ARPP21: variants seen among roughly 807,000 people sequenced by gnomAD.
ARPP21 encodes cAMP-regulated phosphoprotein 21.
A neutral mutation model predicts 113.2 loss-of-function variants in ARPP21; 69 were observed. That is an observed-to-expected ratio of 0.61 (90% confidence interval 0.50 to 0.74). ARPP21 has a LOEUF of 0.74. Among genes scored for constraint, ARPP21 ranks in the 30% least tolerant of loss-of-function variants. The pLI is 0.00. For synonymous variants in ARPP21, 368 were observed against 375.5 expected (o/e 0.98, Z 0.23); for missense variants, 1,070 against 1,037.4 (o/e 1.03, Z -0.43).
At chr3:35,655,220 C>A (rs933344521) in intron 1 of ARPP21, among the ~76,000 whole-genome samples, 2 of 151,780 alleles carry the variant, frequency 1.3e-5, no homozygotes, top group African/African-American at 4.8e-5. Context: ...AATGTGCATA[C>A]TCTTTGATAA....
At chr3:35,752,277 C>A (rs1559853196) in intron 19 of ARPP21, among the ~76,000 whole-genome samples, 1 of 151,698 alleles carries the variant, frequency 6.6e-6, no homozygotes, top group Non-Finnish European at 1.5e-5. Context: ...AGCACTCTGA[C>A]CTTTTGGATC....
intron 19 of ARPP21, among the ~76,000 whole-genome samples, chr3:35,763,016 T>C (rs1160363878): frequency 6.6e-6 from 1 of 152,108 alleles, no homozygotes; most frequent in Non-Finnish European, 1.5e-5. Flanking sequence ...ACTTTTAAAA[T>C]AGCATCTGGA....
At chr3:35,784,416 C>T (rs150084694) in intron 19 of ARPP21, among the ~76,000 whole-genome samples, 5 of 152,252 alleles carry the variant, frequency 3.3e-5, no homozygotes, top group Non-Finnish European at 7.4e-5. Flanking sequence ...CACAAATCAG[C>T]GCTTTTGTTT....
chr3:35,710,104 A>G (rs1439768740), intron 11 of ARPP21, among the ~76,000 whole-genome samples: 1 of 152,138 alleles, frequency 6.6e-6, no homozygotes, highest in Non-Finnish European at 1.5e-5. Context: ...TTTCACGTTT[A>G]TATCCCGCCC....
chr3:35,720,382 C>T (rs1197229268), intron 13 of ARPP21, among the ~76,000 whole-genome samples: 1 of 152,138 alleles, frequency 6.6e-6, no homozygotes, highest in African/African-American at 2.4e-5. Context: ...TTAAAATTTT[C>T]TTTGTACTGT....
intron 1 of ARPP21, among the ~76,000 whole-genome samples, chr3:35,678,396 A>G (rs1203043063): frequency 1.3e-5 from 2 of 151,978 alleles, no homozygotes; most frequent in Non-Finnish European, 2.9e-5. Flanking sequence ...TCTTAGTTAA[A>G]TAGTTTCTAA....
At chr3:35,777,058 C>T (rs570580491) in intron 19 of ARPP21, among the ~76,000 whole-genome samples, 20 of 152,212 alleles carry the variant, frequency 1.3e-4, no homozygotes, top group Non-Finnish European at 2.4e-4. Context: ...AATGGCTGTA[C>T]CTCGGCTCTT....
At chr3:35,658,289 G>A (rs771501765) in intron 1 of ARPP21, among the ~76,000 whole-genome samples, 5 of 151,990 alleles carry the variant, frequency 3.3e-5, no homozygotes, top group Admixed American at 1.3e-4. Flanking sequence ...TTTCTGAACC[G>A]TTTTCTTTCT....
chr3:35,722,533 T>G (rs767160977), intron 14 of ARPP21, among the ~76,000 whole-genome samples: 3 of 152,246 alleles, frequency 2.0e-5, no homozygotes, highest in Non-Finnish European at 4.4e-5. Flanking sequence ...TTTTTATTAC[T>G]GCCATTTAAT....
chr3:35,697,739 C>T (rs2084617203), intron 9 of ARPP21, among the ~76,000 whole-genome samples: 2 of 151,506 alleles, frequency 1.3e-5, no homozygotes, highest in Non-Finnish European at 3.0e-5. Context: ...AATGGGAATC[C>T]TCGGTGTTTG....
At chr3:35,705,746 G>A (rs1182708069) in intron 9 of ARPP21, among the ~76,000 whole-genome samples, 8 of 151,994 alleles carry the variant, frequency 5.3e-5, no homozygotes, top group Non-Finnish European at 1.0e-4. Context: ...TGTAAGGATC[G>A]AATAAGATAT....
intron 1 of ARPP21, among the ~76,000 whole-genome samples, chr3:35,649,565 T>G (rs1352814289): frequency 6.6e-6 from 1 of 152,308 alleles, no homozygotes; most frequent in South Asian, 2.1e-4. Context: ...TGTGTGCCTT[T>G]GGAGAGATTA....
chr3:35,784,543 G>A (rs568441444), intron 19 of ARPP21, among the ~76,000 whole-genome samples: 2 of 152,312 alleles, frequency 1.3e-5, no homozygotes, highest in South Asian at 4.1e-4. Flanking sequence ...CTCATGTTCT[G>A]AAAGTTCATA....
At chr3:35,750,582 G>A (rs543765036) in intron 19 of ARPP21, among the ~76,000 whole-genome samples, 1 of 152,192 alleles carries the variant, frequency 6.6e-6, no homozygotes, top group South Asian at 2.1e-4. Context: ...GCCAAATCAG[G>A]TTGGTTTATT....
chr3:35,762,122 T>TCA (rs1246202951), intron 19 of ARPP21, among the ~76,000 whole-genome samples: 8 of 144,388 alleles, frequency 5.5e-5, no homozygotes, highest in Non-Finnish European at 9.1e-5. Flanking sequence ...TCTCTCTCTC[T>TCA]CTCTCACACA....
intron 1 of ARPP21, among the ~76,000 whole-genome samples, chr3:35,662,854 G>A (rs950393677): frequency 3.3e-5 from 5 of 152,074 alleles, no homozygotes; most frequent in African/African-American, 1.2e-4. Flanking sequence ...TTGTATCTGG[G>A]AGCTAAAAAT....
intron 1 of ARPP21, among the ~76,000 whole-genome samples, chr3:35,662,140 A>G (rs1225965501): frequency 6.6e-6 from 1 of 152,204 alleles, no homozygotes; most frequent in African/African-American, 2.4e-5. Flanking sequence ...GGAAAGAATC[A>G]TAGTGTGTGT....
At position 35,793,701 on chromosome 3, in the gene ARPP21, G is replaced by T. The variant is rs763546649; in HGVS notation, c.2287G>T (p.Val763Leu). 1 of 1,612,510 alleles carries T rather than the reference G, an allele frequency of 6.2e-7. No individual in the cohort carries two copies. Among genetic ancestry groups the T allele is most frequent in the South Asian group, 1.1e-5 (1 of 91,042 alleles). ...GGTTCTTGCTTGTGTCTTTTTACAGGTGCCAATGACCCAGGGTTCTCAAGG... is the reference window on the plus strand; with the variant it reads ...GGTTCTTGCTTGTGTCTTTTTACAGTTGCCAATGACCCAGGGTTCTCAAGG... ...VSYPTMSSYQVPMTQGSQGLP... is the reference protein window; with the variant it reads ...VSYPTMSSYQLPMTQGSQGLP... The change falls in exon 21 of 21, where the codon GTG (valine) becomes TTG (leucine). Residue 763 changes from valine (V) to leucine (L), a missense_variant and splice_region_variant. Physicochemically the swap from Val to Leu is conservative, Grantham distance 32. Transcript: ENST00000684406.
chr3:35,792,577 G>A, intron 20 of ARPP21, 47 bp downstream of exon 20: 1 of 1,600,454 alleles, frequency 6.2e-7, no homozygotes, highest in Non-Finnish European at 8.6e-7. Flanking sequence ...AGTAGAATTT[G>A]CCAAAGTGGA....
Sources: gnomAD v4.1 joint callset for allele counts (sites outside exome capture counted in the v4.1 genomes callset) on GRCh38, gnomAD v4.1.1 for gene constraint, MANE v1.5 for transcripts, NCBI Gene and HGNC (gene_info 2026-07-23, HGNC 2026-07-21) for gene names.